Variants in CCDC7 observed in about 807,000 individuals in gnomAD.
CCDC7 encodes coiled-coil domain-containing protein 7.
In CCDC7, 183 loss-of-function variants were observed where a neutral mutation model predicts 196.9. The ratio of observed to expected loss-of-function variants is 0.93; its 90% CI spans 0.82 to 1.05. The LOEUF (loss-of-function observed/expected upper bound fraction) is 1.05, where lower values mean the gene tolerates loss of function less well. Among genes scored for constraint, CCDC7 ranks in the 50% least tolerant of loss-of-function variants. The pLI, the probability that CCDC7 is intolerant of heterozygous loss-of-function variation, is 0.00. For missense variants in CCDC7, 1,540 were observed against 1,482.2 expected, an observed-to-expected ratio of 1.04 and a Z score of -0.64; for synonymous variants, 525 against 484.6, an observed-to-expected ratio of 1.08 and a Z score of -1.10.
intron 18 of CCDC7, among the ~76,000 whole-genome samples, chr10:32,626,915 A>C (rs1014875029): frequency 6.6e-6 from 1 of 151,768 alleles, no homozygotes; most frequent in Admixed American, 6.6e-5. Flanking sequence ...TGGTGTGTCT[A>C]CTTTTTTTGG....
chr10:32,698,240 G>C (rs889281908), intron 24 of CCDC7, among the ~76,000 whole-genome samples: 1 of 152,152 alleles, frequency 6.6e-6, no homozygotes, highest in South Asian at 2.1e-4. Context: ...CACAAAGATG[G>C]GGAGAAACCA....
In CCDC7 at chr10:32,634,381, T is replaced by G; in HGVS notation, c.1912+17T>G. On this transcript the variant is annotated intron_variant, in intron 19 of 41. Transcript: ENST00000639629. ...GACATGAGGGTAAGTATAATAATTA[T>G]ACATATCTTTACACTATTTTATTTT... 1.0e-6 allele frequency: 1 copy of G among 953,132 alleles called. No individual in the cohort carries two copies. The highest frequency in any genetic ancestry group is 1.4e-6 in the Non-Finnish European group (1 of 734,374). 59.0% of individuals were successfully genotyped at this position (953,132 alleles called of 1,614,324 possible).
At chr10:32,837,793 G>T (rs1413519756) in intron 33 of CCDC7, among the ~76,000 whole-genome samples, 4 of 151,964 alleles carry the variant, frequency 2.6e-5, no homozygotes, top group Admixed American at 6.6e-5. Flanking sequence ...GATGAAGCTG[G>T]AAACCATCAT....
At chr10:32,514,849 G>A (rs984156279) in intron 9 of CCDC7, among the ~76,000 whole-genome samples, 1 of 152,110 alleles carries the variant, frequency 6.6e-6, no homozygotes, top group African/African-American at 2.4e-5. Flanking sequence ...TTAAGAAACA[G>A]GGTCTCACTC....
At chr10:32,858,629 C>T (rs1350260651) in intron 41 of CCDC7, among the ~76,000 whole-genome samples, 5 of 152,006 alleles carry the variant, frequency 3.3e-5, no homozygotes. Flanking sequence ...GTTCAGCATT[C>T]TTTCTTTATT....
At chr10:32,776,109 T>C (rs61856575) in intron 28 of CCDC7, among the ~76,000 whole-genome samples, 2 of 146,762 alleles carry the variant, frequency 1.4e-5, no homozygotes, top group East Asian at 2.0e-4. Flanking sequence ...GGAAGGGGAA[T>C]ATCACACTCT....
At chr10:32,510,539 G>A (rs2045948974) in intron 9 of CCDC7, among the ~76,000 whole-genome samples, 1 of 152,160 alleles carries the variant, frequency 6.6e-6, no homozygotes, top group Non-Finnish European at 1.5e-5. Flanking sequence ...TGGCCTTGAT[G>A]ATGATGATAT....
intron 21 of CCDC7, among the ~76,000 whole-genome samples, chr10:32,665,418 C>A (rs1321663415): frequency 6.6e-6 from 1 of 151,908 alleles, no homozygotes; most frequent in African/African-American, 2.4e-5. Flanking sequence ...CCCATATTTT[C>A]TTCTAGCAAT....
intron 25 of CCDC7, chr10:32,725,272 T>G (rs1430583150): frequency 4.3e-6 from 2 of 468,268 alleles, no homozygotes; most frequent in African/African-American, 2.0e-5. Context: ...CTATAATACT[T>G]TGAAACTTTT....
At chr10:32,754,192 A>G (rs912666113) in intron 28 of CCDC7, among the ~76,000 whole-genome samples, 2 of 152,194 alleles carry the variant, frequency 1.3e-5, no homozygotes, top group Admixed American at 1.3e-4. Flanking sequence ...GCTTAAAAGA[A>G]TCAAATAAAA....
intron 20 of CCDC7, among the ~76,000 whole-genome samples, chr10:32,661,077 C>G (rs554941986): frequency 6.7e-6 from 1 of 149,556 alleles, no homozygotes; most frequent in African/African-American, 2.4e-5. Flanking sequence ...ACCTACTCAT[C>G]TGACAAAGGG....
upstream of CCDC7, among the ~76,000 whole-genome samples, chr10:32,445,046 G>A (rs1418886707): frequency 1.3e-5 from 2 of 152,090 alleles, no homozygotes; most frequent in Non-Finnish European, 2.9e-5. Flanking sequence ...TAGAGATGGG[G>A]TTTCACCATG....
At chr10:32,795,610 T>C (rs2083430406) in intron 29 of CCDC7, among the ~76,000 whole-genome samples, 1 of 152,224 alleles carries the variant, frequency 6.6e-6, no homozygotes, top group African/African-American at 2.4e-5. Flanking sequence ...CCTTGTTTGC[T>C]GTTATTTATT....
At chr10:32,764,523 G>A (rs2077970874) in intron 28 of CCDC7, among the ~76,000 whole-genome samples, 1 of 151,906 alleles carries the variant, frequency 6.6e-6, no homozygotes, top group South Asian at 2.1e-4. Context: ...GGTCAGTTTG[G>A]TTGGCTGAAA....
chr10:32,714,809 C>T (rs969861137), intron 25 of CCDC7, among the ~76,000 whole-genome samples: 2 of 152,280 alleles, frequency 1.3e-5, no homozygotes, highest in Admixed American at 6.5e-5. Context: ...GAACCCACCA[C>T]GGCGCAGCAA....
chr10:32,759,376 G>A (rs1256733146), intron 28 of CCDC7, among the ~76,000 whole-genome samples: 1 of 152,154 alleles, frequency 6.6e-6, no homozygotes, highest in East Asian at 1.9e-4. Context: ...AAAGAGCATG[G>A]TACTGGTACC....
intron 9 of CCDC7, among the ~76,000 whole-genome samples, chr10:32,497,805 A>C (rs920721891): frequency 6.6e-6 from 1 of 152,158 alleles, no homozygotes; most frequent in Admixed American, 6.6e-5. Context: ...GGAGTATTTT[A>C]CTTCCAATTT....
In CCDC7 at chr10:32,842,991, A is replaced by G. The variant is rs555586898; in HGVS notation, c.3353-2252A>G. ...AGACTATGCATTGGGTACAGTGTACACTGCTCAGGTGATGGGTGCCCCAAA... is the reference window on the plus strand; with the variant it reads ...AGACTATGCATTGGGTACAGTGTACGCTGCTCAGGTGATGGGTGCCCCAAA... On this transcript the variant is annotated intron_variant, in intron 33 of 41. Coordinates refer to ENST00000639629, the Ensembl canonical transcript of CCDC7. Among the ~76,000 whole-genome samples, 5 of 152,118 alleles carry G rather than the reference A, an allele frequency of 3.3e-5. No individual in the cohort carries two copies. The South Asian group carries it at 6.2e-4, about 19-fold the overall frequency.
intron 24 of CCDC7, among the ~76,000 whole-genome samples, chr10:32,698,048 A>T (rs2078019002): frequency 6.6e-6 from 1 of 152,190 alleles, no homozygotes; most frequent in African/African-American, 2.4e-5. Flanking sequence ...TCCGCTGGTG[A>T]TACCCAGGCA....
Sources: allele counts gnomAD v4.1 joint callset (sites outside exome capture counted in the v4.1 genomes callset), GRCh38; gene constraint gnomAD v4.1.1; transcripts MANE v1.5; gene names NCBI Gene and HGNC (gene_info 2026-07-23, HGNC 2026-07-21).